The following ENPP6 variants were observed in gnomAD, a reference collection of about 807,000 sequenced individuals.
The protein encoded by ENPP6 is glycerophosphocholine cholinephosphodiesterase ENPP6.
Under a neutral mutation model 42.0 loss-of-function variants are expected in ENPP6, and 32 were observed. The ratio of observed to expected loss-of-function variants is 0.76; its 90% CI spans 0.58 to 1.02. The LOEUF is 1.02. Ranked by LOEUF, ENPP6 falls within the 50% of genes least tolerant of loss-of-function variation. ENPP6 has a pLI of 0.00. For synonymous variants in ENPP6, 213 were observed against 216.0 expected, an observed-to-expected ratio of 0.99 and a Z score of 0.12; for missense variants, 552 against 566.8, an observed-to-expected ratio of 0.97 and a Z score of 0.27.
Position 184,153,604 on chromosome 4 carries a change from C to CA in ENPP6, c.370dup (p.Trp124LeufsTer20), listed in dbSNP as rs748702749. On this transcript the variant is annotated frameshift_variant, in exon 2 of 8. Coordinates refer to ENST00000296741, the MANE Select transcript of ENPP6 (RefSeq NM_153343.4). LOFTEE classifies it high-confidence loss of function. ...CCTTTTGGCCTTGGTCAGAGTGACC[C>CA]ACAGAGGTTCTGATCCATTCCACCA... is the stretch of plus-strand genomic sequence containing the variant. The CA allele has an allele frequency of 3.1e-6, 5 of 1,614,026 alleles. No individual in the cohort carries two copies. The highest frequency in any genetic ancestry group is 4.2e-6 in the Non-Finnish European group (5 of 1,180,032).
At chr4:184,211,398 A>C (rs1733108125) in intron 1 of ENPP6, among the ~76,000 whole-genome samples, 1 of 152,172 alleles carries the variant, frequency 6.6e-6, no homozygotes, top group Non-Finnish European at 1.5e-5. Context: ...AAAAATGATA[A>C]GGGGGATATC....
chr4:184,199,787 C>G (rs1171215502), intron 1 of ENPP6, among the ~76,000 whole-genome samples: 1 of 152,206 alleles, frequency 6.6e-6, no homozygotes, highest in African/African-American at 2.4e-5. Context: ...CTACTGTGAT[C>G]ATAAAACAGG....
At chr4:184,124,045 C>G in intron 3 of ENPP6, 116 bp downstream of exon 3, 1 of 774,146 alleles carries the variant, frequency 1.3e-6, no homozygotes, top group Non-Finnish European at 2.1e-6. Flanking sequence ...GCAAGACTCT[C>G]ACCAACTCTC....
At chr4:184,173,929 C>CT (rs1737518191) in intron 1 of ENPP6, among the ~76,000 whole-genome samples, 1 of 152,170 alleles carries the variant, frequency 6.6e-6, no homozygotes, top group African/African-American at 2.4e-5. Context: ...AGATCCATCC[C>CT]GGGGGGACAC....
intron 2 of ENPP6, among the ~76,000 whole-genome samples, chr4:184,142,488 T>C (rs140465391): frequency 0.011 from 1,532 of 143,088 alleles, 22 homozygotes; most frequent in South Asian, 0.043. Context: ...TTCCTGGGGT[T>C]GGCCTTGCCC....
chr4:184,175,041 A>C (rs2111095769), intron 1 of ENPP6, among the ~76,000 whole-genome samples: 1 of 152,320 alleles, frequency 6.6e-6, no homozygotes, highest in Admixed American at 6.5e-5. Context: ...CTCAGCACTG[A>C]CAGGAAGACC....
At chr4:184,142,929 G>T (rs1046430327) in intron 2 of ENPP6, among the ~76,000 whole-genome samples, 1 of 152,214 alleles carries the variant, frequency 6.6e-6, no homozygotes, top group South Asian at 2.1e-4. Flanking sequence ...GAATGACCAC[G>T]ACTGGAATTA....
intron 2 of ENPP6, among the ~76,000 whole-genome samples, chr4:184,151,473 C>T (rs565314207): frequency 1.3e-5 from 2 of 152,302 alleles, no homozygotes; most frequent in South Asian, 4.1e-4. Flanking sequence ...GATGAAAGGC[C>T]CTCTCCAGGA....
At chr4:184,129,227 A>T (rs1008014211) in intron 2 of ENPP6, among the ~76,000 whole-genome samples, 1 of 151,624 alleles carries the variant, frequency 6.6e-6, no homozygotes, top group Non-Finnish European at 1.5e-5. Flanking sequence ...GAAAGTTTTG[A>T]AAACTTTTTG....
intron 1 of ENPP6, among the ~76,000 whole-genome samples, chr4:184,173,250 C>T (rs1437749893): frequency 6.6e-6 from 1 of 152,136 alleles, no homozygotes; most frequent in Non-Finnish European, 1.5e-5. Flanking sequence ...GACCCAGTAA[C>T]TCCACTTCAA....
At chr4:184,190,771 C>T (rs1289564119) in intron 1 of ENPP6, among the ~76,000 whole-genome samples, 1 of 152,096 alleles carries the variant, frequency 6.6e-6, no homozygotes, top group Non-Finnish European at 1.5e-5. Context: ...TTGTCCAGAG[C>T]TGCATCTTGG....
chr4:184,119,828 A>G (rs1377381836), intron 3 of ENPP6, among the ~76,000 whole-genome samples: 1 of 151,948 alleles, frequency 6.6e-6, no homozygotes, highest in Non-Finnish European at 1.5e-5. Flanking sequence ...TTTGCTTGGC[A>G]CTTCTCCTTG....
intron 1 of ENPP6, among the ~76,000 whole-genome samples, chr4:184,212,252 G>C (rs1181294358): frequency 1.2e-4 from 18 of 151,460 alleles, no homozygotes; most frequent in Non-Finnish European, 2.6e-4. Context: ...AATTAGGCAG[G>C]AGAAGGAAAT....
intron 3 of ENPP6, among the ~76,000 whole-genome samples, chr4:184,122,866 G>T (rs987725503): frequency 6.6e-6 from 1 of 152,182 alleles, no homozygotes; most frequent in Non-Finnish European, 1.5e-5. Flanking sequence ...GTTAGACATG[G>T]AGCAATGTCC....
chr4:184,188,823 C>G (rs1261700227), intron 1 of ENPP6, among the ~76,000 whole-genome samples: 1 of 152,174 alleles, frequency 6.6e-6, no homozygotes, highest in East Asian at 1.9e-4. Context: ...GTAGGACCAG[C>G]TTTGCATTTT....
chr4:184,180,757 AACCACATGATTATCTC>A (rs1732538091), intron 1 of ENPP6, among the ~76,000 whole-genome samples: 1 of 152,216 alleles, frequency 6.6e-6, no homozygotes, highest in Non-Finnish European at 1.5e-5. Flanking sequence ...TAATGACAAA[AACCACATGATTATCTC>A]AATAGACGCA....
rs961616231 is a variant in ENPP6 at position 184,153,406 on chromosome 4, G to A, written c.421+148C>T. On this transcript the variant is annotated intron_variant, in intron 2 of 7. Coordinates refer to ENST00000296741, the MANE Select transcript of ENPP6 (RefSeq NM_153343.4). ...CCCAAAGTGCTGGGATTACAGGCCT[G>A]AGCCACCGTGCCCAGCCAATACATA... The A allele has an allele frequency of 5.5e-6, 5 of 915,934 alleles. No individual in the cohort carries two copies. In the East Asian group the frequency reaches 1.2e-4, roughly 22 times the overall value. The allele number at this position is 915,934 out of a possible 1,614,324, so 56.7% of individuals were successfully genotyped here.
intron 6 of ENPP6, among the ~76,000 whole-genome samples, chr4:184,102,877 G>C (rs1413011659): frequency 6.6e-6 from 1 of 152,260 alleles, no homozygotes; most frequent in African/African-American, 2.4e-5. Flanking sequence ...GAGGAGTTGA[G>C]GAATCTCTTC....
intron 1 of ENPP6, among the ~76,000 whole-genome samples, chr4:184,207,262 G>C (rs1400005352): frequency 6.6e-6 from 1 of 152,184 alleles, no homozygotes. Context: ...GAATGTTTCT[G>C]GGCCACTTTC....
Sources: gnomAD v4.1 joint callset for allele counts (sites outside exome capture counted in the v4.1 genomes callset) on GRCh38, gnomAD v4.1.1 for gene constraint, MANE v1.5 for transcripts, NCBI Gene and HGNC (gene_info 2026-07-23, HGNC 2026-07-21) for gene names.